The following TARBP1 variants were observed in gnomAD, a reference collection of about 807,000 sequenced individuals.
TARBP1 encodes the protein tRNA (guanosine(18)-2'-O)-methyltransferase TARBP1.
TARBP1 carries 144 observed loss-of-function variants against 178.6 expected under a neutral mutation model. The ratio of observed to expected loss-of-function variants is 0.81; its 90% confidence interval spans 0.70 to 0.93. The LOEUF is 0.93. Among genes scored for constraint, TARBP1 ranks in the 40% least tolerant of loss-of-function variants. The pLI is 0.00. For synonymous variants in TARBP1, 787 were observed against 781.0 expected (o/e 1.01, Z -0.13); for missense variants, 2,067 against 2,011.7 (o/e 1.03, Z -0.53).
rs770790859 is a variant in TARBP1, at chr1:234,430,148, T to A, written c.2548A>T (p.Thr850Ser). The stretch of plus-strand genomic sequence containing the variant: ...TCCTCTGCGTGGGGCTTCTGCAGCG[T>A]CTGATTGAGCTGAAGAGAGGAAAGG... ...SFLSSLQLNQ[T>S]LQKPHAEEQS... The change falls in exon 15 of 30, where the codon ACG (threonine) becomes TCG (serine). Residue 850 changes from threonine (T) to serine (S), a missense_variant. Thr to Ser is a moderately conservative substitution (Grantham distance 58, BLOSUM62 1). Coordinates refer to ENST00000040877, the MANE Select transcript of TARBP1 (RefSeq NM_005646.4). The A allele has an allele frequency of 3.1e-6, 5 of 1,614,156 alleles. No individual in the cohort carries two copies. Among genetic ancestry groups the A allele is most frequent in the Non-Finnish European group, 4.2e-6 (5 of 1,180,000 alleles).
At chr1:234,463,672 C>G (rs1301735842) in intron 6 of TARBP1, among the ~76,000 whole-genome samples, 165 bp downstream of exon 6, 1 of 151,668 alleles carries the variant, frequency 6.6e-6, no homozygotes, top group African/African-American at 2.4e-5. Context: ...AGTGTGTACT[C>G]AAAAAAGATA....
At chr1:234,436,800 A>G (rs997903057) in intron 13 of TARBP1, among the ~76,000 whole-genome samples, 3 of 152,196 alleles carry the variant, frequency 2.0e-5, no homozygotes, top group Non-Finnish European at 4.4e-5. Flanking sequence ...GTCCCAAAAG[A>G]ACAAATTATG....
intron 12 of TARBP1, 84 bp downstream of exon 12, chr1:234,446,719 T>A (rs895047751): frequency 8.9e-7 from 1 of 1,120,616 alleles, no homozygotes; most frequent in African/African-American, 1.6e-5. Context: ...CTCTTTGTTT[T>A]AAAAAGACGG....
intron 23 of TARBP1, among the ~76,000 whole-genome samples, chr1:234,408,182 T>C (rs1329333741): frequency 6.6e-6 from 1 of 152,032 alleles, no homozygotes; most frequent in Non-Finnish European, 1.5e-5. Context: ...TACACAACTA[T>C]GAGCATAATT....
intron 25 of TARBP1, 139 bp downstream of exon 25, chr1:234,401,042 T>A (rs769991388): frequency 4.6e-5 from 28 of 608,918 alleles, no homozygotes; most frequent in Non-Finnish European, 7.0e-5. Flanking sequence ...AAGTTAAACT[T>A]AGAACTTTAA....
At chr1:234,429,064 A>G (rs1290852036) in intron 17 of TARBP1, 72 bp downstream of exon 17, 2 of 1,354,412 alleles carry the variant, frequency 1.5e-6, no homozygotes, top group Non-Finnish European at 2.0e-6. Flanking sequence ...TGTGAATACA[A>G]CTCTCATGTT....
intron 15 of TARBP1, 87 bp from the exon 16 acceptor site, chr1:234,429,764 TGGGGGGGG>T: frequency 1.2e-6 from 1 of 822,944 alleles, no homozygotes; most frequent in Non-Finnish European, 1.8e-6. Flanking sequence ...TTTCTAAAGG[TGGGGGGGG>T]GGGGGCAGTG....
At chr1:234,396,539 TCTC>T (rs1659952429) in intron 26 of TARBP1, among the ~76,000 whole-genome samples, 1 of 152,124 alleles carries the variant, frequency 6.6e-6, no homozygotes, top group African/African-American at 2.4e-5. Context: ...CTCCCTGTTG[TCTC>T]CTCTGTAAGA....
intron 1 of TARBP1, among the ~76,000 whole-genome samples, chr1:234,475,774 C>A (rs1034166329): frequency 6.6e-6 from 1 of 152,230 alleles, no homozygotes; most frequent in East Asian, 1.9e-4. Context: ...AGGGACGAAG[C>A]CTTGGCTGAA....
intron 23 of TARBP1, among the ~76,000 whole-genome samples, chr1:234,408,900 C>T (rs964858953): frequency 2.0e-5 from 3 of 152,096 alleles, no homozygotes; most frequent in African/African-American, 7.2e-5. Context: ...TCTGTGTAGG[C>T]GGCGGAAGAG....
intron 22 of TARBP1, among the ~76,000 whole-genome samples, chr1:234,417,451 T>C (rs989977835): frequency 2.6e-5 from 4 of 152,148 alleles, no homozygotes; most frequent in Admixed American, 2.0e-4. Context: ...AGATCATCTA[T>C]TATGAAAGGG....
intron 8 of TARBP1, among the ~76,000 whole-genome samples, chr1:234,458,072 G>A (rs887239859): frequency 2.6e-5 from 4 of 151,918 alleles, no homozygotes; most frequent in Admixed American, 6.6e-5. Context: ...GGACAGGCGC[G>A]GTGGCTCACG....
chr1:234,472,399 A>G (rs1172424021), intron 2 of TARBP1, among the ~76,000 whole-genome samples: 2 of 151,796 alleles, frequency 1.3e-5, no homozygotes, highest in Middle Eastern at 3.2e-3. Context: ...TGAACCAGAA[A>G]GTCTGAGGAC....
In TARBP1 at chr1:234,420,719, A is replaced by G. The variant is rs1662985991; in HGVS notation, c.3538T>C (p.Phe1180Leu). The change falls in exon 21 of 30, where the codon TTC (phenylalanine) becomes CTC (leucine). Residue 1180 changes from phenylalanine to leucine, a missense_variant. Physicochemically the swap from Phe to Leu is conservative, Grantham distance 22. Transcript: ENST00000040877. ...NRVWQTLLVL[F>L]PRLDQNFLNG... The stretch of plus-strand genomic sequence containing the variant: ...TATGATACCTGGTCAAGTCTAGGGA[A>G]AAGTACCAGCAGAGTCTGCCACACT... The G allele has an allele frequency of 6.2e-7, 1 of 1,609,346 alleles. No individual in the cohort carries two copies. The highest frequency in any genetic ancestry group is 1.7e-5 in the Admixed American group (1 of 59,182).
intron 1 of TARBP1, among the ~76,000 whole-genome samples, chr1:234,476,206 G>A (rs752663147): frequency 1.3e-5 from 2 of 152,140 alleles, no homozygotes; most frequent in African/African-American, 2.4e-5. Flanking sequence ...CTCCAAAAGC[G>A]TCAAATGGAA....
At position 234,446,845 on chromosome 1, in the gene TARBP1, G is replaced by C; in HGVS notation, c.2092C>G (p.Leu698Val). The C allele has an allele frequency of 6.2e-7, 1 of 1,613,990 alleles. No individual in the cohort carries two copies. Among genetic ancestry groups the C allele is most frequent in the Non-Finnish European group, 8.5e-7 (1 of 1,179,960 alleles). Residue 698 changes from leucine (L) to valine (V), a missense_variant, in exon 12 of 30, where the codon CTG becomes GTG. Transcript: ENST00000040877. ...CCTTTCAACCTGCATGTGTTCAACA[G>C]CTTCAACAGCAGCTGGAGGCATCTG... ...TDRCLQLLLKLLNTCRLKGSS... is the reference protein window; with the variant it reads ...TDRCLQLLLKVLNTCRLKGSS...
Position 234,401,257 on chromosome 1 carries a change from G to A in TARBP1, c.3995C>T (p.Ala1332Val). The change falls in exon 25 of 30, where the codon GCC (alanine) becomes GTC (valine). Residue 1332 changes from alanine (A) to valine (V), a missense_variant. Transcript: ENST00000040877. ...CTGAATGCGTTGCCAATTCTTCTTG[G>A]CATTCCTAAGGATTAAAAATATGGT... ...QVESMHGAGN[A>V]KKNWQRIQEH... 2 of 1,611,906 alleles carry A rather than the reference G, an allele frequency of 1.2e-6. No homozygotes were observed. Among genetic ancestry groups the A allele is most frequent in the Non-Finnish European group, 1.7e-6 (2 of 1,178,792 alleles).
In TARBP1 at chr1:234,478,449, C is replaced by A. The variant is rs768090948; in HGVS notation, c.655G>T (p.Ala219Ser). 3.6e-6 allele frequency: 5 copies of A among 1,388,114 alleles called. No individual in the cohort carries two copies. In the East Asian group the frequency reaches 1.0e-4, roughly 28 times the overall value. 86.0% of individuals were successfully genotyped at this position (1,388,114 alleles called of 1,614,324 possible). The change falls in exon 1 of 30, where the codon GCG becomes TCG. Residue 219 changes from alanine to serine, a missense_variant. Coordinates refer to ENST00000040877, the MANE Select transcript of TARBP1 (RefSeq NM_005646.4). Reference protein sequence around the residue: ...AVWGGLAAPGASLGSGRVEEK... With the variant: ...AVWGGLAAPGSSLGSGRVEEK... ...TCTACGCGGCCGGACCCCAGGGACG[C>A]CCCAGGCGCGGCCAGCCCGCCCCAC...
intron 1 of TARBP1, among the ~76,000 whole-genome samples, chr1:234,473,014 C>G (rs189230054): frequency 1.3e-4 from 19 of 151,816 alleles, no homozygotes; most frequent in African/African-American, 1.5e-4. Flanking sequence ...TTTTGGAGTT[C>G]TGGGTAAAAA....
Sources: gnomAD v4.1 joint callset for allele counts (sites outside exome capture counted in the v4.1 genomes callset) on GRCh38, gnomAD v4.1.1 for gene constraint, MANE v1.5 for transcripts, NCBI Gene and HGNC (gene_info 2026-07-23, HGNC 2026-07-21) for gene names.